Variants in NTRK3 observed in about 807,000 individuals in gnomAD.
NTRK3 encodes neurotrophic receptor tyrosine kinase 3.
Under a neutral mutation model 91.7 loss-of-function variants are expected in NTRK3, and 24 were observed. The ratio of observed to expected loss-of-function variants is 0.26; its 90% CI spans 0.19 to 0.37. The LOEUF is 0.37. Among genes scored for constraint, NTRK3 ranks in the 10% least tolerant of loss-of-function variants. The probability of loss-of-function intolerance (pLI) is 1.00; values close to 1 mark genes in which losing one functional copy is unlikely to be tolerated. For missense variants in NTRK3, 880 were observed against 1,068.9 expected, an observed-to-expected ratio of 0.82 and a Z score of 2.46; for synonymous variants, 483 against 404.0, an observed-to-expected ratio of 1.20 and a Z score of -2.34.
intron 13 of NTRK3, among the ~76,000 whole-genome samples, chr15:88,052,612 A>C (rs1183379913): frequency 6.6e-6 from 1 of 152,214 alleles, no homozygotes; most frequent in African/African-American, 2.4e-5. Flanking sequence ...AGATGTAATT[A>C]ATGCTGATTG....
chr15:88,230,356 G>A (rs933137037), intron 3 of NTRK3, among the ~76,000 whole-genome samples: 1 of 152,168 alleles, frequency 6.6e-6, no homozygotes, highest in Non-Finnish European at 1.5e-5. Context: ...GTTCCCACAA[G>A]TATCCTCACC....
chr15:87,960,031 A>G (rs1411513249), intron 14 of NTRK3, among the ~76,000 whole-genome samples: 3 of 152,254 alleles, frequency 2.0e-5, no homozygotes, highest in Non-Finnish European at 4.4e-5. Context: ...TAGCTATGAC[A>G]GCCAAAATTA....
At chr15:87,936,933 AG>A (rs2069343486) in intron 15 of NTRK3, among the ~76,000 whole-genome samples, 1 of 152,126 alleles carries the variant, frequency 6.6e-6, no homozygotes, top group Non-Finnish European at 1.5e-5. Flanking sequence ...GGACTCTATA[AG>A]GTCTGGTCTC....
intron 3 of NTRK3, among the ~76,000 whole-genome samples, chr15:88,228,098 T>C (rs912214639): frequency 2.6e-5 from 4 of 152,272 alleles, no homozygotes; most frequent in African/African-American, 7.2e-5. Flanking sequence ...ACCCAATGTG[T>C]GAAACCAGAA....
intron 3 of NTRK3, among the ~76,000 whole-genome samples, chr15:88,212,871 C>T (rs915786966): frequency 6.6e-6 from 1 of 152,170 alleles, no homozygotes; most frequent in African/African-American, 2.4e-5. Context: ...AATGTCAGGG[C>T]CCCCACACTG....
chr15:88,040,234 G>A (rs1340277573), intron 13 of NTRK3, among the ~76,000 whole-genome samples: 4 of 152,228 alleles, frequency 2.6e-5, no homozygotes, highest in Admixed American at 2.6e-4. Context: ...CACAGAGAAA[G>A]CAAAACTTTC....
intron 14 of NTRK3, among the ~76,000 whole-genome samples, chr15:88,002,174 T>TG (rs1567211453): frequency 6.9e-6 from 1 of 145,514 alleles, no homozygotes; most frequent in Non-Finnish European, 1.5e-5. Context: ...GGTTGTTTTT[T>TG]TTTTTTTTTT....
At chr15:87,911,671 C>T (rs1282852667) in intron 17 of NTRK3, among the ~76,000 whole-genome samples, 2 of 152,218 alleles carry the variant, frequency 1.3e-5, no homozygotes, top group East Asian at 3.9e-4. Context: ...ACAACCCTTG[C>T]ATACATCTCT....
chr15:88,149,628 G>C (rs1259167667), intron 5 of NTRK3, among the ~76,000 whole-genome samples: 2 of 152,220 alleles, frequency 1.3e-5, no homozygotes, highest in African/African-American at 2.4e-5. Context: ...TGTGATAAAA[G>C]AAGAACTGCA....
rs1403952888 is a variant in NTRK3 at position 88,233,011 on chromosome 15, A to G, written c.248+22895T>C. Among the ~76,000 whole-genome samples, 1 of 152,126 alleles carries G rather than the reference A, an allele frequency of 6.6e-6. No individual in the cohort carries two copies. The highest frequency in any genetic ancestry group is 6.5e-5 in the Admixed American group (1 of 15,288). ...CAGACCCTCCCCCCAGCCCAGAGCG[A>G]AAGTTTGACTAAAGCTCAGTGTCTT... On this transcript the variant is annotated intron_variant, in intron 3 of 18. Transcript: ENST00000394480. This position sits in a 1 kb window ranked among gnomAD's most constrained non-coding sequence, Gnocchi z 4.2.
At chr15:88,024,295 G>C (rs1308789638) in intron 14 of NTRK3, among the ~76,000 whole-genome samples, 1 of 152,174 alleles carries the variant, frequency 6.6e-6, no homozygotes, top group East Asian at 1.9e-4. Context: ...ATGTTAGAGG[G>C]GAATGCATCA....
At chr15:88,003,588 G>A (rs900103733) in intron 14 of NTRK3, among the ~76,000 whole-genome samples, 4 of 152,180 alleles carry the variant, frequency 2.6e-5, no homozygotes, top group Non-Finnish European at 5.9e-5. Context: ...GCTGAGATTT[G>A]AGCCCAGGTA....
At chr15:88,082,474 G>T (rs1028802603) in intron 13 of NTRK3, among the ~76,000 whole-genome samples, 8 of 152,116 alleles carry the variant, frequency 5.3e-5, no homozygotes, top group Non-Finnish European at 1.2e-4. Flanking sequence ...TGAAAATGCA[G>T]AACGTTTCCA....
chr15:88,197,120 A>G (rs916702746), intron 3 of NTRK3, among the ~76,000 whole-genome samples: 6 of 148,216 alleles, frequency 4.0e-5, no homozygotes, highest in Admixed American at 4.0e-4. Flanking sequence ...AAAAAAAAAA[A>G]AAAAAAACCT....
chr15:88,070,288 T>C (rs1240141218), intron 13 of NTRK3, among the ~76,000 whole-genome samples: 3 of 152,070 alleles, frequency 2.0e-5, no homozygotes, highest in Non-Finnish European at 2.9e-5. Context: ...CTGCCAGGTC[T>C]ACCAGAGACA....
chr15:87,940,747 T>C (rs757573108), exon 15 of NTRK3: 2 of 1,614,116 alleles, frequency 1.2e-6, no homozygotes, highest in African/African-American at 1.3e-5. Context: ...CTTAATGTGC[T>C]GCACATCTGT....
intron 5 of NTRK3, 40 bp from the exon 6 acceptor site, chr15:88,147,443 C>T (rs147483021): frequency 6.4e-7 from 1 of 1,562,768 alleles, no homozygotes; most frequent in South Asian, 1.1e-5. Flanking sequence ...TAAAACAAGT[C>T]TGGCACAAAT....
At chr15:88,183,900 C>A (rs1170153246) in intron 4 of NTRK3, among the ~76,000 whole-genome samples, 1 of 152,154 alleles carries the variant, frequency 6.6e-6, no homozygotes, top group African/African-American at 2.4e-5. Context: ...CCATGGGGCT[C>A]ATCAGTCAAG....
chr15:87,893,115 A>T (rs2141586061), intron 17 of NTRK3, among the ~76,000 whole-genome samples: 1 of 152,312 alleles, frequency 6.6e-6, no homozygotes, highest in Admixed American at 6.5e-5. Flanking sequence ...ACATTTCAAG[A>T]CCACAGGTAC....
Sources: allele counts gnomAD v4.1 joint callset (sites outside exome capture counted in the v4.1 genomes callset), GRCh38; gene constraint gnomAD v4.1.1; non-coding constraint Gnocchi (gnomAD v3.1); transcripts MANE v1.5; gene names NCBI Gene and HGNC (gene_info 2026-07-23, HGNC 2026-07-21).